RGSL1: variants seen among roughly 807,000 people sequenced by gnomAD.
RGSL1 encodes regulator of G protein signaling protein-like.
Under a neutral mutation model 124.7 loss-of-function variants are expected in RGSL1, and 97 were observed. That is an observed-to-expected ratio of 0.78 (90% CI 0.66 to 0.92). The LOEUF is 0.92. Ranked by LOEUF, RGSL1 falls within the 40% of genes least tolerant of loss-of-function variation. The pLI is 0.00. For synonymous variants in RGSL1, 424 were observed against 438.1 expected (o/e 0.97, Z 0.40); for missense variants, 1,233 against 1,288.4 (o/e 0.96, Z 0.66).
intron 8 of RGSL1, among the ~76,000 whole-genome samples, chr1:182,490,016 A>T (rs1043550371): frequency 6.6e-6 from 1 of 152,196 alleles, no homozygotes; most frequent in Non-Finnish European, 1.5e-5. Context: ...AATTCCTTAA[A>T]TATATACCTG....
At chr1:182,549,564 A>G (rs1439066527) in intron 17 of RGSL1, 1 of 152,208 alleles carries the variant, frequency 6.6e-6, no homozygotes, top group African/African-American at 2.4e-5. Flanking sequence ...TATCTTCCAC[A>G]TGGTGAATGG....
intron 8 of RGSL1, 102 bp from the exon 9 acceptor site, chr1:182,492,920 C>A (rs80297245): frequency 3.8e-6 from 3 of 783,892 alleles, no homozygotes; most frequent in East Asian, 2.7e-5. Flanking sequence ...TGAGCCACTG[C>A]GCCCAGCATT....
At chr1:182,509,710 C>G (rs1408166502) in intron 9 of RGSL1, among the ~76,000 whole-genome samples, 1 of 134,116 alleles carries the variant, frequency 7.5e-6, no homozygotes, top group Non-Finnish European at 1.6e-5. Context: ...GCTGGCCGGG[C>G]GGGGGGCTGA....
At chr1:182,520,441 A>G (rs535224643) in intron 9 of RGSL1, among the ~76,000 whole-genome samples, 1 of 152,248 alleles carries the variant, frequency 6.6e-6, no homozygotes, top group African/African-American at 2.4e-5. Flanking sequence ...GCAATATCCA[A>G]TGTTTTGCCC....
chr1:182,456,958 C>G (rs1319789890), intron 2 of RGSL1, among the ~76,000 whole-genome samples: 1 of 152,070 alleles, frequency 6.6e-6, no homozygotes, highest in East Asian at 1.9e-4. Context: ...ACCATCCTGG[C>G]CAACATGATG....
intron 1 of RGSL1, among the ~76,000 whole-genome samples, chr1:182,451,299 AAGAC>A (rs1357677336): frequency 8.1e-6 from 1 of 123,354 alleles, no homozygotes; most frequent in Non-Finnish European, 2.0e-5. Context: ...TCTGATGAGG[AAGAC>A]AGATATATCG....
At chr1:182,547,656 T>G (rs1342733970) in intron 15 of RGSL1, among the ~76,000 whole-genome samples, 2 of 151,958 alleles carry the variant, frequency 1.3e-5, no homozygotes, top group Non-Finnish European at 1.5e-5. Context: ...GGTCAAGAGA[T>G]CGAGACCATC....
At chr1:182,523,329 C>T (rs981975321) in intron 10 of RGSL1, among the ~76,000 whole-genome samples, 2 of 151,898 alleles carry the variant, frequency 1.3e-5, no homozygotes, top group Admixed American at 6.6e-5. Context: ...GCATTTGTAC[C>T]CAGCCAAGAA....
intron 20 of RGSL1, chr1:182,555,545 A>T (rs375223648): frequency 6.2e-6 from 1 of 160,824 alleles, no homozygotes; most frequent in Admixed American, 5.8e-5. Flanking sequence ...ACTTCTGCAC[A>T]AGCTTCCAAG....
At chr1:182,552,457 T>G (rs968419849) in intron 18 of RGSL1, among the ~76,000 whole-genome samples, 2 of 152,110 alleles carry the variant, frequency 1.3e-5, no homozygotes, top group African/African-American at 4.8e-5. Context: ...AACAGAGCAG[T>G]GGCTGGTGAG....
chr1:182,486,699 G>A (rs1402905249), intron 6 of RGSL1, among the ~76,000 whole-genome samples: 1 of 151,748 alleles, frequency 6.6e-6, no homozygotes, highest in African/African-American at 2.4e-5. Flanking sequence ...TTTTGAGACG[G>A]CGTTTCATTC....
intron 9 of RGSL1, 37 bp downstream of exon 9, chr1:182,493,166 G>A (rs1305295866): frequency 1.5e-6 from 2 of 1,360,732 alleles, no homozygotes; most frequent in Admixed American, 4.1e-5. Context: ...GAGGCAACTA[G>A]GTTTTTTCAA....
intron 9 of RGSL1, among the ~76,000 whole-genome samples, chr1:182,498,086 T>G (rs963008130): frequency 2.6e-5 from 4 of 152,190 alleles, no homozygotes; most frequent in African/African-American, 9.7e-5. Context: ...CTTTCATGAT[T>G]AATAAGTATT....
intron 9 of RGSL1, among the ~76,000 whole-genome samples, chr1:182,500,289 G>A (rs2333144): frequency 3.3e-5 from 5 of 152,032 alleles, no homozygotes; most frequent in East Asian, 1.9e-4. Flanking sequence ...CCCATTGAAC[G>A]GTGTAGACAT....
intron 14 of RGSL1, among the ~76,000 whole-genome samples, chr1:182,533,093 T>A (rs900819828): frequency 6.6e-6 from 1 of 152,156 alleles, no homozygotes; most frequent in African/African-American, 2.4e-5. Context: ...ATTTTCAAAA[T>A]TTTTCTGCTT....
At chr1:182,540,463 T>C (rs76889128) in intron 15 of RGSL1, 42 bp downstream of exon 15, 123,832 of 1,525,916 alleles carry the variant, frequency 0.081, 5,755 homozygotes, top group South Asian at 0.16. Context: ...GAAAATGACT[T>C]TTCATCCTTA....
At chr1:182,455,825 A>G (rs1055667685) in intron 2 of RGSL1, among the ~76,000 whole-genome samples, 1 of 152,218 alleles carries the variant, frequency 6.6e-6, no homozygotes, top group Non-Finnish European at 1.5e-5. Context: ...CAGGCAAACT[A>G]TGCCTAGGAG....
intron 9 of RGSL1, among the ~76,000 whole-genome samples, chr1:182,521,798 C>G (rs567950390): frequency 6.6e-6 from 1 of 152,328 alleles, no homozygotes; most frequent in Admixed American, 6.5e-5. Flanking sequence ...ACTTATATAA[C>G]ATAACCTGGA....
upstream of RGSL1, among the ~76,000 whole-genome samples, chr1:182,449,548 G>A (rs12085529): frequency 6.6e-6 from 1 of 152,198 alleles, no homozygotes; most frequent in African/African-American, 2.4e-5. Flanking sequence ...AAGAACAGGA[G>A]AAATGAAGAG....
Sources: gnomAD v4.1 joint callset for allele counts (sites outside exome capture counted in the v4.1 genomes callset) on GRCh38, gnomAD v4.1.1 for gene constraint, MANE v1.5 for transcripts, NCBI Gene and HGNC (gene_info 2026-07-23, HGNC 2026-07-21) for gene names.